Variants in CNTLN observed in about 807,000 individuals in gnomAD.
The protein encoded by CNTLN is centlein.
Under a neutral mutation model 180.0 loss-of-function variants are expected in CNTLN, and 212 were observed. That is an observed-to-expected ratio of 1.18 (90% CI 1.05 to 1.32). The LOEUF (loss-of-function observed/expected upper bound fraction) is 1.32, where lower values mean the gene tolerates loss of function less well. Among genes scored for constraint, CNTLN ranks in the 40% most tolerant of loss-of-function variants. The pLI is 0.00. For missense variants in CNTLN, 2,095 were observed against 1,610.9 expected, an observed-to-expected ratio of 1.30 and a Z score of -5.14; for synonymous variants, 722 against 563.1, an observed-to-expected ratio of 1.28 and a Z score of -3.99.
At chr9:17,328,682 T>C (rs547051816) in intron 8 of CNTLN, among the ~76,000 whole-genome samples, 4 of 152,228 alleles carry the variant, frequency 2.6e-5, no homozygotes, top group African/African-American at 9.6e-5. Context: ...GAGGAACATA[T>C]CTACTTGGTT....
intron 23 of CNTLN, among the ~76,000 whole-genome samples, chr9:17,467,765 A>C (rs760980525): frequency 2.0e-5 from 3 of 151,628 alleles, no homozygotes; most frequent in Non-Finnish European, 4.4e-5. Flanking sequence ...CACTTTCATT[A>C]AATATTGTGA....
chr9:17,381,810 T>C lies in CNTLN; in HGVS notation c.1988-6352T>C, dbSNP rs566739837. On this transcript the variant is annotated intron_variant, in intron 13 of 25. Transcript: ENST00000380647. ...ACCTTGAGGCAATATTGGATTTAGG[T>C]CTGCTCCATATTTCTTAATCCCAGT... is the stretch of plus-strand genomic sequence containing the variant. 3.3e-4 allele frequency among the ~76,000 whole-genome samples: 51 copies of C among 152,292 alleles called. 1 individual carries two copies. The highest frequency in any genetic ancestry group is 2.3e-3 in the South Asian group (11 of 4,824).
intron 12 of CNTLN, among the ~76,000 whole-genome samples, chr9:17,365,119 C>T (rs112986749): frequency 0.016 from 2,500 of 152,230 alleles, 74 homozygotes; most frequent in African/African-American, 0.057. Context: ...AATTTCATGT[C>T]GCATTGTAAT....
At chr9:17,161,211 C>T (rs1586958539) in intron 2 of CNTLN, among the ~76,000 whole-genome samples, 1 of 151,782 alleles carries the variant, frequency 6.6e-6, no homozygotes, top group African/African-American at 2.4e-5. Flanking sequence ...TGATTTTATT[C>T]TTATAAATTT....
chr9:17,311,968 A>G lies in CNTLN; in HGVS notation c.1341+2716A>G, dbSNP rs1396033339. ...TATTGAGCTAAAATATCAAGACAGT[A>G]TGGTGTTAGTATAATAATTGACAAA... On this transcript the variant is annotated intron_variant, in intron 8 of 25. Coordinates refer to ENST00000380647, the MANE Select transcript of CNTLN (RefSeq NM_017738.4). 2.6e-5 allele frequency among the ~76,000 whole-genome samples: 4 copies of G among 151,778 alleles called. No individual in the cohort carries two copies. The East Asian group carries it at 5.8e-4, about 22-fold the overall frequency.
chr9:17,371,394 G>C (rs1437544914), intron 13 of CNTLN, among the ~76,000 whole-genome samples: 1 of 152,054 alleles, frequency 6.6e-6, no homozygotes, highest in Non-Finnish European at 1.5e-5. Context: ...TAATGATAAA[G>C]GTGTCAATTT....
At chr9:17,184,261 A>AT (rs1821297417) in intron 2 of CNTLN, among the ~76,000 whole-genome samples, 3 of 152,298 alleles carry the variant, frequency 2.0e-5, no homozygotes, top group African/African-American at 7.2e-5. Context: ...TGTATAAAAA[A>AT]TTCTTGCTAT....
At chr9:17,392,357 T>A (rs930522103) in intron 14 of CNTLN, among the ~76,000 whole-genome samples, 2 of 152,230 alleles carry the variant, frequency 1.3e-5, no homozygotes, top group African/African-American at 4.8e-5. Context: ...TATGCAAAAG[T>A]ATTTTAAAAT....
chr9:17,382,672 A>G (rs984797471), intron 13 of CNTLN, among the ~76,000 whole-genome samples: 9 of 152,210 alleles, frequency 5.9e-5, no homozygotes, highest in African/African-American at 2.2e-4. Context: ...TTTTATAAAT[A>G]AAGGAAGGTC....
intron 5 of CNTLN, among the ~76,000 whole-genome samples, chr9:17,250,456 G>A (rs1826069437): frequency 6.6e-6 from 1 of 151,572 alleles, no homozygotes; most frequent in Non-Finnish European, 1.5e-5. Flanking sequence ...GCTTTCCTTA[G>A]TTGATTTTTT....
intron 2 of CNTLN, among the ~76,000 whole-genome samples, chr9:17,193,148 C>A (rs1587083844): frequency 6.6e-6 from 1 of 152,190 alleles, no homozygotes; most frequent in East Asian, 1.9e-4. Flanking sequence ...TATGGGAGTA[C>A]AATTCAAGAT....
chr9:17,234,652 A>G (rs1258904751), intron 3 of CNTLN, among the ~76,000 whole-genome samples: 1 of 152,074 alleles, frequency 6.6e-6, no homozygotes, highest in African/African-American at 2.4e-5. Context: ...CAGAAATGGA[A>G]TAAAGGTCAA....
chr9:17,203,792 C>T (rs1277217526), intron 2 of CNTLN, among the ~76,000 whole-genome samples: 2 of 152,164 alleles, frequency 1.3e-5, no homozygotes, highest in African/African-American at 2.4e-5. Flanking sequence ...CTCCGGACCT[C>T]GTGATCCACC....
intron 14 of CNTLN, among the ~76,000 whole-genome samples, chr9:17,393,010 C>G (rs898971522): frequency 3.3e-5 from 5 of 152,208 alleles, no homozygotes; most frequent in Non-Finnish European, 5.9e-5. Context: ...ATAGAAAATG[C>G]TAAAACTGAG....
chr9:17,513,175 A>G, the CNTLN span, among the ~76,000 whole-genome samples: 1 of 152,198 alleles, frequency 6.6e-6, no homozygotes, highest in Admixed American at 6.6e-5. Context: ...AGAAAAATGA[A>G]AATACTTTTA....
At chr9:17,381,124 C>T (rs995995541) in intron 13 of CNTLN, among the ~76,000 whole-genome samples, 1 of 152,192 alleles carries the variant, frequency 6.6e-6, no homozygotes, top group East Asian at 1.9e-4. Flanking sequence ...TCTACTAGGC[C>T]TTGCATTATT....
chr9:17,497,643 A>C (rs1833531294), intron 25 of CNTLN, among the ~76,000 whole-genome samples: 2 of 152,244 alleles, frequency 1.3e-5, no homozygotes, highest in African/African-American at 4.8e-5. Context: ...GTTTGAAAGC[A>C]GCAGGCACAG....
chr9:17,328,596 A>G (rs74773263), intron 8 of CNTLN, among the ~76,000 whole-genome samples: 6,916 of 152,276 alleles, frequency 0.045, 214 homozygotes, highest in South Asian at 0.15. Context: ...GTCTGTAACA[A>G]AAGTGATAAA....
At chr9:17,371,822 C>T (rs1458274597) in intron 13 of CNTLN, among the ~76,000 whole-genome samples, 2 of 152,062 alleles carry the variant, frequency 1.3e-5, no homozygotes, top group African/African-American at 4.8e-5. Flanking sequence ...ATTTTGGAAG[C>T]TCTGCAGACA....
Sources: gnomAD v4.1 joint callset for allele counts (sites outside exome capture counted in the v4.1 genomes callset) on GRCh38, gnomAD v4.1.1 for gene constraint, MANE v1.5 for transcripts, NCBI Gene and HGNC (gene_info 2026-07-23, HGNC 2026-07-21) for gene names.